Variants in SPTBN2 observed in about 807,000 individuals in gnomAD.
SPTBN2 encodes spectrin beta chain, non-erythrocytic 2.
SPTBN2 carries 107 observed loss-of-function variants against 284.2 expected under a neutral mutation model. That is an observed-to-expected ratio of 0.38 (90% CI 0.32 to 0.44). The LOEUF (loss-of-function observed/expected upper bound fraction) is 0.44, where lower values mean the gene tolerates loss of function less well. SPTBN2 is among the 20% of genes least tolerant of loss of function. The probability of loss-of-function intolerance (pLI) is 1.00; values close to 1 mark genes in which losing one functional copy is unlikely to be tolerated. For synonymous variants in SPTBN2, 1,289 were observed against 1,354.8 expected, an observed-to-expected ratio of 0.95 and a Z score of 1.07; for missense variants, 2,569 against 3,287.1, an observed-to-expected ratio of 0.78 and a Z score of 5.34.
intron 10 of SPTBN2, among the ~76,000 whole-genome samples, chr11:66,709,270 C>T (rs1254383082): frequency 4.6e-5 from 7 of 152,226 alleles, no homozygotes; most frequent in South Asian, 4.2e-4. Context: ...CTCTGCCTCC[C>T]GGGTTCAAGC....
At position 66,694,266 on chromosome 11, in the gene SPTBN2, A is replaced by G. The variant is rs1190218381; in HGVS notation, c.4376T>C (p.Val1459Ala). ...CTCCACGGCCCTCGAGGTTCTCTCC[A>G]CCTCCCCTGCACCCTGGTCCTCCTG... ...LAQEDQGAGE[V>A]ERTSRAVEEK... The change falls in exon 22 of 38, where the codon GTG becomes GCG. Residue 1459 changes from valine to alanine, a missense_variant. Val to Ala is a moderately conservative substitution (Grantham distance 64). Transcript: ENST00000533211. 1.9e-6 allele frequency: 3 copies of G among 1,613,826 alleles called. No homozygotes were observed. Among genetic ancestry groups the G allele is most frequent in the Non-Finnish European group, 2.5e-6 (3 of 1,179,958 alleles).
Position 66,699,057 on chromosome 11 carries a change from G to A in SPTBN2, c.3802C>T (p.Gln1268Ter). 6.2e-7 allele frequency: 1 copy of A among 1,614,236 alleles called. No homozygotes were observed. Among genetic ancestry groups the A allele is most frequent in the Non-Finnish European group, 8.5e-7 (1 of 1,180,044 alleles). ...RRHKKNQDAA[Q>*]QFLGRLRDNR... ...TCCCGAAGACGGCCCAGAAATTGCT[G>A]CGCTGCGTCTTGATTCTTCTTGTGC... Residue 1268 changes from glutamine (Q) to a stop codon, truncating the protein, a stop_gained, in exon 19 of 38, where the codon CAG becomes TAG. Transcript: ENST00000533211. LOFTEE classifies it high-confidence loss of function.
At position 66,718,824 on chromosome 11, in the gene SPTBN2, G is replaced by T. The variant is rs996832264; in HGVS notation, c.157+2260C>A. Among the ~76,000 whole-genome samples the T allele has an allele frequency of 6.6e-6, 1 of 152,250 alleles. No individual in the cohort carries two copies. The highest frequency in any genetic ancestry group is 1.5e-5 in the Non-Finnish European group (1 of 68,038). The stretch of plus-strand genomic sequence containing the variant: ...AGAGAGTGGGGGCACGCCTGGCTGC[G>T]GTGAGAGGAGACAGGCGGCTCCAGA... On this transcript the variant is annotated intron_variant, in intron 3 of 37. Coordinates refer to ENST00000533211, the MANE Select transcript of SPTBN2 (RefSeq NM_006946.4). This position sits in a 1 kb window ranked among gnomAD's most constrained non-coding sequence, Gnocchi z 4.8.
chr11:66,741,796 G>C (rs1942897405), intron 1 of SPTBN2, among the ~76,000 whole-genome samples: 1 of 152,136 alleles, frequency 6.6e-6, no homozygotes. Flanking sequence ...TTCTGAGGAT[G>C]AGGTCTGAGC....
chr11:66,704,077 A>G (rs912778692), intron 15 of SPTBN2, among the ~76,000 whole-genome samples: 1 of 146,474 alleles, frequency 6.8e-6, no homozygotes, highest in Non-Finnish European at 1.5e-5. Flanking sequence ...GGTTCATGCC[A>G]GTCTCCTGCC....
Position 66,710,873 on chromosome 11 carries a change from C to A in SPTBN2, c.885+44G>T, listed in dbSNP as rs182719901. On this transcript the variant is annotated intron_variant, in intron 9 of 37. Coordinates refer to ENST00000533211, the MANE Select transcript of SPTBN2 (RefSeq NM_006946.4). The surrounding 1 kb of genome is among the most constrained non-coding windows in gnomAD (Gnocchi z 4.9). The stretch of plus-strand genomic sequence containing the variant: ...GCACTAGGGCAGTAAGACCCCTCAG[C>A]CGGGCCTCCTCTGGCCTTTATGCCT... 2.7e-3 allele frequency: 4,360 copies of A among 1,611,436 alleles called. 6 individuals are homozygous for A. Among genetic ancestry groups the A allele is most frequent in the Non-Finnish European group, 3.4e-3 (3,975 of 1,177,732 alleles).
intron 27 of SPTBN2, 141 bp from the exon 28 acceptor site, chr11:66,690,424 G>C: frequency 1.6e-6 from 2 of 1,234,956 alleles, no homozygotes; most frequent in Non-Finnish European, 2.2e-6. Context: ...TGGGGGTGCT[G>C]GGAAAGATGA....
chr11:66,708,090 C>G lies in SPTBN2; in HGVS notation c.1350+51G>C, dbSNP rs1941661882. ...CCGCGGGGCTTCTTATCCACCCTGTCTCTCTCCCAGTTCTGACCAGCCTAA... is the reference window on the plus strand; with the variant it reads ...CCGCGGGGCTTCTTATCCACCCTGTGTCTCTCCCAGTTCTGACCAGCCTAA... On this transcript the variant is annotated intron_variant, in intron 12 of 37. Transcript: ENST00000533211. This position sits in a 1 kb window ranked among gnomAD's most constrained non-coding sequence, Gnocchi z 4.4. The G allele has an allele frequency of 6.2e-7, 1 of 1,610,632 alleles. No homozygotes were observed. The highest frequency in any genetic ancestry group is 8.5e-7 in the Non-Finnish European group (1 of 1,177,980).
Position 66,695,744 on chromosome 11 carries a change from GT to G in SPTBN2, c.4278+532del, listed in dbSNP as rs1194115512. 3.6e-4 allele frequency among the ~76,000 whole-genome samples: 52 copies of G among 146,076 alleles called. No individual in the cohort carries two copies. In the East Asian group the frequency reaches 3.6e-3, roughly 10 times the overall value. On this transcript the variant is annotated intron_variant, in intron 21 of 37. Coordinates refer to ENST00000533211, the MANE Select transcript of SPTBN2 (RefSeq NM_006946.4). ...CCACCTTTTACTAATTTATACTTCT[GT>G]TTTTTTTTTTGAGACAGAGGCTTGC...
intron 17 of SPTBN2, 71 bp from the exon 18 acceptor site, chr11:66,699,679 G>T: frequency 2.0e-6 from 3 of 1,516,298 alleles, no homozygotes; most frequent in Non-Finnish European, 2.7e-6. Context: ...GACCCACCCA[G>T]GGGCAAATCT....
chr11:66,744,240 A>C (rs1458858118), intron 1 of SPTBN2, among the ~76,000 whole-genome samples: 1 of 152,196 alleles, frequency 6.6e-6, no homozygotes, highest in Non-Finnish European at 1.5e-5. Context: ...TATGGTTATA[A>C]AAAAAATTCG....
At chr11:66,702,565 A>G (rs552722175) in intron 15 of SPTBN2, among the ~76,000 whole-genome samples, 1 of 152,208 alleles carries the variant, frequency 6.6e-6, no homozygotes, top group African/African-American at 2.4e-5. Flanking sequence ...TGCTGCGGCA[A>G]CTATTCAGCC....
Position 66,696,405 on chromosome 11 carries a change from G to A in SPTBN2, c.4150C>T (p.Arg1384Ter), listed in dbSNP as rs1940912480. Residue 1384 changes from arginine to a stop codon, truncating the protein, a stop_gained, in exon 21 of 38, where the codon CGA (arginine) becomes TGA (stop). Transcript: ENST00000533211. LOFTEE classifies it high-confidence loss of function. Reference protein sequence around the residue: ...AKARSLFDANRAELFAQSCCA... With the variant: ...AKARSLFDAN ...CAGCTCTGGGCAAACAGCTCAGCTC[G>A]GTTGGCATCAAAGAGGCTGCGGGCC... The A allele has an allele frequency of 2.5e-6, 4 of 1,613,192 alleles. No individual in the cohort carries two copies. Among genetic ancestry groups the A allele is most frequent in the Non-Finnish European group, 3.4e-6 (4 of 1,180,034 alleles).
At chr11:66,689,260 A>G in intron 29 of SPTBN2, 80 bp from the exon 30 acceptor site, 1 of 1,407,244 alleles carries the variant, frequency 7.1e-7, no homozygotes, top group Non-Finnish European at 9.8e-7. Context: ...ATCCAGGGGG[A>G]CAGGTGATTT....
intron 18 of SPTBN2, 26 bp from the exon 19 acceptor site, chr11:66,699,108 T>C: frequency 6.2e-7 from 1 of 1,613,942 alleles, no homozygotes. Context: ...CTTGTGAAAC[T>C]CTGGAATTTG....
In SPTBN2 at chr11:66,687,606, C is replaced by G. The variant is rs893992697; in HGVS notation, c.6543G>C (p.Glu2181Asp). 7 of 1,607,998 alleles carry G rather than the reference C, an allele frequency of 4.4e-6. No individual in the cohort carries two copies. The highest frequency in any genetic ancestry group is 2.2e-5 in the East Asian group (1 of 44,816). Reference protein sequence around the residue: ...SGDEANGPRGERQTRTRGPAP... With the variant: ...SGDEANGPRGDRQTRTRGPAP... The stretch of plus-strand genomic sequence containing the variant: ...CCGGGCCCCGAGTCCGGGTCTGCCT[C>G]TCTCCCCGGGGCCCATTGGCTTCGT... Residue 2181 changes from glutamate (E) to aspartate (D), a missense_variant, in exon 35 of 38, where the codon GAG becomes GAC. By Grantham distance (45) the Glu-to-Asp change is conservative. Transcript: ENST00000533211. This position sits in a 1 kb window ranked among gnomAD's most constrained non-coding sequence, Gnocchi z 5.2.
intron 1 of SPTBN2, among the ~76,000 whole-genome samples, chr11:66,740,433 A>G (rs1942887890): frequency 6.6e-6 from 1 of 152,186 alleles, no homozygotes; most frequent in Non-Finnish European, 1.5e-5. Flanking sequence ...CATTAGCCCA[A>G]TAATATTCCT....
intron 1 of SPTBN2, among the ~76,000 whole-genome samples, chr11:66,740,296 T>C (rs1309065018): frequency 1.3e-5 from 2 of 152,164 alleles, no homozygotes; most frequent in South Asian, 4.1e-4. Flanking sequence ...ACTCGAGTTA[T>C]ATAAACTTTG....
At chr11:66,717,994 C>G (rs1019948348) in intron 3 of SPTBN2, among the ~76,000 whole-genome samples, 1 of 152,196 alleles carries the variant, frequency 6.6e-6, no homozygotes, top group East Asian at 1.9e-4. Flanking sequence ...CAGACACACG[C>G]TCAGAGGCCT....
Sources: gnomAD v4.1 joint callset for allele counts (sites outside exome capture counted in the v4.1 genomes callset) on GRCh38, gnomAD v4.1.1 for gene constraint, Gnocchi (gnomAD v3.1) non-coding constraint, MANE v1.5 for transcripts, NCBI Gene and HGNC (gene_info 2026-07-23, HGNC 2026-07-21) for gene names.